SPPL3: variants seen among roughly 807,000 people sequenced by gnomAD.
The protein encoded by SPPL3 is signal peptide peptidase-like 3.
In SPPL3, 5 loss-of-function variants were observed where a neutral mutation model predicts 42.4. The ratio of observed to expected loss-of-function variants is 0.12; its 90% CI spans 0.06 to 0.25. The LOEUF is 0.25. Among genes scored for constraint, SPPL3 ranks in the 10% least tolerant of loss-of-function variants. The pLI, the probability that SPPL3 is intolerant of heterozygous loss-of-function variation, is 1.00. For missense variants in SPPL3, 235 were observed against 489.0 expected (o/e 0.48, Z 4.90); for synonymous variants, 195 against 181.8 (o/e 1.07, Z -0.58).
chr12:120,823,136 G>A lies in SPPL3; in HGVS notation c.24-12250C>T, dbSNP rs377146584. Among the ~76,000 whole-genome samples, 9 of 147,206 alleles carry A rather than the reference G, an allele frequency of 6.1e-5. No homozygotes were observed. In the East Asian group the frequency reaches 8.2e-4, roughly 13 times the overall value. On this transcript the variant is annotated intron_variant, in intron 1 of 10. Coordinates refer to ENST00000353487, the MANE Select transcript of SPPL3 (RefSeq NM_139015.5). Reference sequence around the variant, plus strand: ...AGAGAGCAAGAGTGAGTGATCATGCGTGCAAGAGACAAAAAGCAAGAGCTA... The same window carrying A: ...AGAGAGCAAGAGTGAGTGATCATGCATGCAAGAGACAAAAAGCAAGAGCTA...
intron 1 of SPPL3, among the ~76,000 whole-genome samples, chr12:120,822,160 G>A (rs1354543793): frequency 6.6e-6 from 1 of 152,104 alleles, no homozygotes; most frequent in Non-Finnish European, 1.5e-5. Flanking sequence ...AAAAAGGTCT[G>A]GAAATGAATA....
intron 1 of SPPL3, among the ~76,000 whole-genome samples, chr12:120,829,343 C>A (rs2137015646): frequency 6.6e-6 from 1 of 152,258 alleles, no homozygotes. Context: ...CGCCTGTAAT[C>A]CCAGCACTTT....
intron 1 of SPPL3, among the ~76,000 whole-genome samples, chr12:120,869,390 A>G (rs947235815): frequency 4.6e-5 from 7 of 152,236 alleles, no homozygotes; most frequent in South Asian, 2.1e-4. Flanking sequence ...TTGTGTTTAT[A>G]TGTAAAATAT....
At chr12:120,892,984 G>A (rs1389464477) in intron 1 of SPPL3, among the ~76,000 whole-genome samples, 75 of 126,102 alleles carry the variant, frequency 5.9e-4, no homozygotes, top group East Asian at 1.1e-3. Context: ...TCTGTCTCGG[G>A]AAAAAAAAAA....
intron 1 of SPPL3, among the ~76,000 whole-genome samples, chr12:120,892,152 G>C (rs1873661058): frequency 6.6e-6 from 1 of 152,100 alleles, no homozygotes; most frequent in Admixed American, 6.6e-5. Flanking sequence ...CTAAAATCCA[G>C]CATCTAACAA....
chr12:120,796,926 C>T (rs1870117321), intron 2 of SPPL3, among the ~76,000 whole-genome samples: 1 of 152,162 alleles, frequency 6.6e-6, no homozygotes, highest in South Asian at 2.1e-4. Flanking sequence ...AATCCCAGCA[C>T]TTTGAGAGGC....
At chr12:120,840,508 C>T (rs1871783138) in intron 1 of SPPL3, among the ~76,000 whole-genome samples, 1 of 151,984 alleles carries the variant, frequency 6.6e-6, no homozygotes, top group Non-Finnish European at 1.5e-5. Flanking sequence ...GTATGGGTTT[C>T]TCTTTGACGG....
In SPPL3 at chr12:120,780,669, C is replaced by T. The variant is rs567145040; in HGVS notation, c.502+1986G>A. 4.6e-5 allele frequency among the ~76,000 whole-genome samples: 7 copies of T among 150,818 alleles called. No individual in the cohort carries two copies. In the South Asian group the frequency reaches 1.5e-3, roughly 32 times the overall value. On this transcript the variant is annotated intron_variant, in intron 6 of 10. Transcript: ENST00000353487. ...TTGGGAGGCTGAGGCGGGTGGATCA[C>T]CTGAGGTCAGGGGTTCGAGACTAGC...
rs1869028813 is a variant in SPPL3, at chr12:120,769,326, C to CA, written c.503-268dup. 4 of 327,636 alleles carry CA rather than the reference C, an allele frequency of 1.2e-5. No homozygotes were observed. The South Asian group carries it at 1.2e-4, about 10-fold the overall frequency. 20.3% of individuals were successfully genotyped at this position (327,636 alleles called of 1,614,324 possible). A position where few individuals can be genotyped will look rare whatever the true frequency, so the allele number is the denominator to read the frequency against. On this transcript the variant is annotated intron_variant, in intron 6 of 10. Transcript: ENST00000353487. The stretch of plus-strand genomic sequence containing the variant: ...ACCCAGGAAACCAGTCCAAGACCTC[C>CA]AAGCTCTCTTTTCCTGCCTTCCCTC...
At chr12:120,888,865 A>G (rs1211292118) in intron 1 of SPPL3, among the ~76,000 whole-genome samples, 1 of 152,076 alleles carries the variant, frequency 6.6e-6, no homozygotes, top group Non-Finnish European at 1.5e-5. Context: ...GCGGAGTACA[A>G]TGGGTGCAAT....
chr12:120,860,653 T>A (rs1872594599), intron 1 of SPPL3, among the ~76,000 whole-genome samples: 1 of 152,210 alleles, frequency 6.6e-6, no homozygotes, highest in African/African-American at 2.4e-5. Flanking sequence ...GTAATTTGTG[T>A]ATATTGTATT....
rs1870990535 is a variant in SPPL3, at chr12:120,819,700, G to A, written c.24-8814C>T. On this transcript the variant is annotated intron_variant, in intron 1 of 10. Transcript: ENST00000353487. ...CTTTGGAATACAGCAGAAGTGCTTT[G>A]TGGAAATTTTCCATTTTATCATTAA... Among the ~76,000 whole-genome samples, 8 of 152,280 alleles carry A rather than the reference G, an allele frequency of 5.3e-5. No individual in the cohort carries two copies. The South Asian group carries it at 1.4e-3, about 28-fold the overall frequency.
At chr12:120,835,824 A>C (rs1324312401) in intron 1 of SPPL3, among the ~76,000 whole-genome samples, 2 of 152,180 alleles carry the variant, frequency 1.3e-5, no homozygotes, top group Non-Finnish European at 2.9e-5. Context: ...TAACATCTTA[A>C]CAGCCACTTC....
At chr12:120,831,069 TTCTCTC>T (rs375855863) in intron 1 of SPPL3, among the ~76,000 whole-genome samples, 1 of 149,722 alleles carries the variant, frequency 6.7e-6, no homozygotes, top group Non-Finnish European at 1.5e-5. Flanking sequence ...GAAGGGCAAA[TTCTCTC>T]TCTCTCTCTC....
chr12:120,802,429 A>ATTT (rs1386437409), intron 2 of SPPL3, among the ~76,000 whole-genome samples: 1 of 106,724 alleles, frequency 9.4e-6, no homozygotes, highest in African/African-American at 6.4e-5. Context: ...ATATATATAT[A>ATTT]TATTTTTTTT....
At chr12:120,868,574 T>C (rs1872830517) in intron 1 of SPPL3, among the ~76,000 whole-genome samples, 1 of 152,106 alleles carries the variant, frequency 6.6e-6, no homozygotes, top group Non-Finnish European at 1.5e-5. Flanking sequence ...CTCCACCTCC[T>C]GGGTTCAAGC....
Position 120,806,002 on chromosome 12 carries a change from T to TTTC in SPPL3, c.101+4806_101+4807insGAA, listed in dbSNP as rs3050395. Among the ~76,000 whole-genome samples, 13 of 40,904 alleles carry TTTC rather than the reference T, an allele frequency of 3.2e-4. No homozygotes were observed. The Admixed American group carries it at 5.1e-3, about 16-fold the overall frequency. The allele number at this position is 40,904 out of a possible 152,430, so 26.8% of individuals were successfully genotyped here. On this transcript the variant is annotated intron_variant, in intron 2 of 10. Transcript: ENST00000353487. ...AATGCCTATCGAAATCCCTGCAGGC[T>TTTC]TTTTTTTTTTTTTTTGGTAGAAACT...
intron 1 of SPPL3, among the ~76,000 whole-genome samples, chr12:120,859,155 G>C (rs937717385): frequency 6.6e-6 from 1 of 150,980 alleles, no homozygotes; most frequent in African/African-American, 2.4e-5. Context: ...AAGTGTTTCA[G>C]ATCTCCCTCT....
chr12:120,766,081 G>A (rs1321357383), intron 10 of SPPL3, among the ~76,000 whole-genome samples, 182 bp downstream of exon 10: 4 of 148,852 alleles, frequency 2.7e-5, no homozygotes, highest in Non-Finnish European at 5.9e-5. Context: ...GTTTGCTAAC[G>A]CCAGGGTAGC....
Sources: gnomAD v4.1 joint callset for allele counts (sites outside exome capture counted in the v4.1 genomes callset) on GRCh38, gnomAD v4.1.1 for gene constraint, MANE v1.5 for transcripts, NCBI Gene and HGNC (gene_info 2026-07-23, HGNC 2026-07-21) for gene names.